Variants in TAFA1 observed in about 807,000 individuals in gnomAD.
TAFA1 encodes chemokine-like protein TAFA-1.
TAFA1 carries 4 observed loss-of-function variants against 18.5 expected under a neutral mutation model. The ratio of observed to expected loss-of-function variants is 0.22; its 90% CI spans 0.11 to 0.49. The LOEUF is 0.49. Ranked by LOEUF, TAFA1 falls within the 20% of genes least tolerant of loss-of-function variation. The probability of loss-of-function intolerance (pLI) is 0.98; values close to 1 mark genes in which losing one functional copy is unlikely to be tolerated. For missense variants in TAFA1, 147 were observed against 169.0 expected, an observed-to-expected ratio of 0.87 and a Z score of 0.72; for synonymous variants, 56 against 55.2, an observed-to-expected ratio of 1.01 and a Z score of -0.06.
At chr3:68,355,269 A>C (rs1432347084) in intron 2 of TAFA1, among the ~76,000 whole-genome samples, 3 of 151,826 alleles carry the variant, frequency 2.0e-5, no homozygotes, top group African/African-American at 4.8e-5. Context: ...ATTTCCTCTA[A>C]GTCTGGGCTT....
chr3:68,502,795 T>C (rs757240314), intron 3 of TAFA1, among the ~76,000 whole-genome samples: 3 of 152,078 alleles, frequency 2.0e-5, no homozygotes, highest in Non-Finnish European at 2.9e-5. Flanking sequence ...GTCTGAAGAT[T>C]TTCCCCACAA....
intron 2 of TAFA1, among the ~76,000 whole-genome samples, chr3:68,075,125 T>C (rs1398676293): frequency 6.6e-6 from 1 of 152,228 alleles, no homozygotes; most frequent in Non-Finnish European, 1.5e-5. Context: ...CTATTTCTTT[T>C]GTATACAATA....
chr3:68,077,282 T>C (rs1325931400), intron 2 of TAFA1, among the ~76,000 whole-genome samples: 1 of 138,708 alleles, frequency 7.2e-6, no homozygotes, highest in African/African-American at 2.7e-5. Flanking sequence ...GATGGTAGTT[T>C]CTTTTGCTGT....
chr3:68,351,291 A>G (rs1269853158), intron 2 of TAFA1, among the ~76,000 whole-genome samples: 1 of 152,112 alleles, frequency 6.6e-6, no homozygotes, highest in Non-Finnish European at 1.5e-5. Flanking sequence ...TGTCCTGAAC[A>G]ATCCAATTCA....
At chr3:68,171,902 A>G (rs2066058474) in intron 2 of TAFA1, among the ~76,000 whole-genome samples, 1 of 152,180 alleles carries the variant, frequency 6.6e-6, no homozygotes, top group African/African-American at 2.4e-5. Context: ...GTCCAGTTCA[A>G]GCAAAATGAA....
At chr3:68,238,634 A>G (rs2066959229) in intron 2 of TAFA1, among the ~76,000 whole-genome samples, 1 of 152,202 alleles carries the variant, frequency 6.6e-6, no homozygotes, top group South Asian at 2.1e-4. Flanking sequence ...ATACAAAAAG[A>G]AAGGGTGGAA....
At chr3:68,335,234 T>C (rs886693663) in intron 2 of TAFA1, among the ~76,000 whole-genome samples, 1 of 152,248 alleles carries the variant, frequency 6.6e-6, no homozygotes, top group Non-Finnish European at 1.5e-5. Context: ...AAAGGAATTA[T>C]AGATGTTATC....
Position 68,163,309 on chromosome 3 carries a change from T to C in TAFA1, c.118+156565T>C, listed in dbSNP as rs565998482. Among the ~76,000 whole-genome samples the C allele has an allele frequency of 2.6e-5, 4 of 152,320 alleles. No individual in the cohort carries two copies. In the South Asian group the frequency reaches 6.2e-4, roughly 24 times the overall value. The stretch of plus-strand genomic sequence containing the variant: ...GGTCTGGGAGTTAGCCAACATTATT[T>C]CCCTATAAGATATGCAATGTCCTTG... On this transcript the variant is annotated intron_variant, in intron 2 of 4. Coordinates refer to ENST00000478136, the MANE Select transcript of TAFA1 (RefSeq NM_213609.4).
At chr3:68,401,315 G>C (rs2070485072) in intron 2 of TAFA1, among the ~76,000 whole-genome samples, 2 of 152,128 alleles carry the variant, frequency 1.3e-5, no homozygotes, top group Non-Finnish European at 2.9e-5. Flanking sequence ...AACAAATCCA[G>C]AAGTAAAGAG....
At chr3:68,011,056 A>G (rs1051104513) in intron 2 of TAFA1, among the ~76,000 whole-genome samples, 1 of 123,592 alleles carries the variant, frequency 8.1e-6, no homozygotes. Context: ...TTTTAGGATG[A>G]GTTTTTCCCC....
chr3:68,074,053 T>C (rs901428606), intron 2 of TAFA1, among the ~76,000 whole-genome samples: 4 of 152,196 alleles, frequency 2.6e-5, no homozygotes, highest in African/African-American at 9.7e-5. Flanking sequence ...CTTGCTTTCC[T>C]GCAACTAGAC....
At chr3:68,281,706 C>T (rs1045169542) in intron 2 of TAFA1, among the ~76,000 whole-genome samples, 1 of 152,060 alleles carries the variant, frequency 6.6e-6, no homozygotes, top group Non-Finnish European at 1.5e-5. Context: ...GATCCACCTG[C>T]CTCGGTCTCC....
intron 3 of TAFA1, among the ~76,000 whole-genome samples, chr3:68,529,347 C>G (rs371672416): frequency 1.4e-5 from 2 of 147,676 alleles, no homozygotes; most frequent in African/African-American, 5.0e-5. Context: ...CTTCTTCTTC[C>G]ATCTTACACA....
chr3:68,005,136 G>A (rs960518067), intron 1 of TAFA1, among the ~76,000 whole-genome samples: 1 of 152,042 alleles, frequency 6.6e-6, no homozygotes. Flanking sequence ...TAATTTGCAG[G>A]GTATTCTGAA....
At chr3:68,537,198 G>A (rs1212899242) in intron 3 of TAFA1, among the ~76,000 whole-genome samples, 1 of 152,164 alleles carries the variant, frequency 6.6e-6, no homozygotes, top group African/African-American at 2.4e-5. Flanking sequence ...CAAAAATTAA[G>A]TGTAGGGGGC....
chr3:68,302,251 C>T (rs954339789), intron 2 of TAFA1, among the ~76,000 whole-genome samples: 1 of 152,110 alleles, frequency 6.6e-6, no homozygotes, highest in African/African-American at 2.4e-5. Context: ...AGTCCAGTGA[C>T]CTCTAACTGC....
intron 2 of TAFA1, among the ~76,000 whole-genome samples, chr3:68,176,995 T>C (rs1295641270): frequency 3.3e-5 from 5 of 152,204 alleles, no homozygotes; most frequent in African/African-American, 1.2e-4. Flanking sequence ...TTTTATAGAC[T>C]GGTGATCATC....
intron 2 of TAFA1, among the ~76,000 whole-genome samples, chr3:68,086,422 A>C (rs963025284): frequency 6.6e-6 from 1 of 152,212 alleles, no homozygotes. Flanking sequence ...TGATTTCAGC[A>C]GCATGTGTAT....
At chr3:68,047,523 C>A (rs969165168) in intron 2 of TAFA1, among the ~76,000 whole-genome samples, 2 of 152,114 alleles carry the variant, frequency 1.3e-5, no homozygotes, top group African/African-American at 4.8e-5. Flanking sequence ...GGGATCTATT[C>A]TTTCTTTTGG....
Sources: gnomAD v4.1 joint callset for allele counts (sites outside exome capture counted in the v4.1 genomes callset) on GRCh38, gnomAD v4.1.1 for gene constraint, MANE v1.5 for transcripts, NCBI Gene and HGNC (gene_info 2026-07-23, HGNC 2026-07-21) for gene names.